The following BRD9 variants were observed in gnomAD, a reference collection of about 807,000 sequenced individuals.
The protein encoded by BRD9 is bromodomain containing 9.
In BRD9, 47 loss-of-function variants were observed where a neutral mutation model predicts 68.7. That is an observed-to-expected ratio of 0.68 (90% CI 0.54 to 0.87). The LOEUF (loss-of-function observed/expected upper bound fraction) is 0.87. BRD9 is among the 40% of genes least tolerant of loss of function. The probability of loss-of-function intolerance (pLI) is 0.00; values close to 1 mark genes in which losing one functional copy is unlikely to be tolerated. For missense variants in BRD9, 670 were observed against 748.4 expected (o/e 0.90, Z 1.22); for synonymous variants, 313 against 293.9 (o/e 1.06, Z -0.67).
intron 6 of BRD9, 148 bp from the exon 7 acceptor site, chr5:886,855 C>T (rs1752647169): frequency 2.2e-6 from 3 of 1,387,844 alleles, no homozygotes; most frequent in African/African-American, 1.4e-5. Context: ...GGGATGGTCA[C>T]AGCCTCACCT....
intron 1 of BRD9, 106 bp from the exon 2 acceptor site, chr5:891,960 A>G (rs1753487670): frequency 3.4e-6 from 5 of 1,464,724 alleles, no homozygotes; most frequent in Non-Finnish European, 4.5e-6. Context: ...TAAGGAGTAC[A>G]GCGGGGCTGC....
At chr5:865,358 G>A (rs1031716425) in intron 15 of BRD9, 56 bp downstream of exon 15, 30 of 1,506,778 alleles carry the variant, frequency 2.0e-5, no homozygotes, top group South Asian at 1.6e-4. Context: ...TCGTCTAGAC[G>A]TCACACTGAC....
In BRD9 at chr5:891,793, T is replaced by C. The variant is rs1326157182; in HGVS notation, c.114A>G (p.Glu38=). 6 of 1,551,664 alleles carry C rather than the reference T, an allele frequency of 3.9e-6. No individual in the cohort carries two copies. Among genetic ancestry groups the C allele is most frequent in the Non-Finnish European group, 5.2e-6 (6 of 1,146,990 alleles). ...GGCCGGATCCTGAGAGTTCAGTCAC[T>C]TCACTTCCTCCGACCTTCAGGACTA... ...LKLVLKVGGS[E]VTELSGSGHD... is the part of the protein sequence containing the mutation. Residue 38 remains glutamate (E), a synonymous_variant, in exon 2 of 16, where the codon GAA becomes GAG. Coordinates refer to ENST00000467963, the MANE Select transcript of BRD9 (RefSeq NM_023924.5).
chr5:889,514 G>T, intron 4 of BRD9, 73 bp downstream of exon 4: 2 of 1,512,808 alleles, frequency 1.3e-6, no homozygotes, highest in Non-Finnish European at 1.8e-6. Flanking sequence ...AGGCTGGCGT[G>T]GGGAATAAGG....
chr5:868,022 G>A (rs926032470), intron 14 of BRD9, among the ~76,000 whole-genome samples: 1 of 152,184 alleles, frequency 6.6e-6, no homozygotes. Context: ...GTTAGGGGAG[G>A]GTCCTGGTGG....
chr5:881,233 C>T, intron 8 of BRD9, 51 bp from the exon 9 acceptor site: 4 of 1,564,580 alleles, frequency 2.6e-6, no homozygotes, highest in East Asian at 2.3e-5. Context: ...GGCAGCGCAG[C>T]ACAAATGAAA....
At chr5:873,072 G>A (rs895581256) in intron 12 of BRD9, among the ~76,000 whole-genome samples, 1 of 152,178 alleles carries the variant, frequency 6.6e-6, no homozygotes, top group African/African-American at 2.4e-5. Context: ...GGCTGAGGCA[G>A]GAGAATCGCT....
At position 885,850 on chromosome 5, in the gene BRD9, T is replaced by C. The variant is rs543118689; in HGVS notation, c.833+742A>G. On this transcript the variant is annotated intron_variant, in intron 7 of 15. Coordinates refer to ENST00000467963, the MANE Select transcript of BRD9 (RefSeq NM_023924.5). ...GATACTCTCGCTTTGTTTGGTCCTATCAGGCAGCCACCTCACATAGGTGGA... is the reference window on the plus strand; with the variant it reads ...GATACTCTCGCTTTGTTTGGTCCTACCAGGCAGCCACCTCACATAGGTGGA... Among the ~76,000 whole-genome samples, 35 of 152,356 alleles carry C rather than the reference T, an allele frequency of 2.3e-4. No homozygotes were observed. In the South Asian group the frequency reaches 6.8e-3, roughly 30 times the overall value.
rs1749208837 is a variant in BRD9 at position 865,286 on chromosome 5, A to G, written c.1693+128T>C. 9 of 1,298,828 alleles carry G rather than the reference A, an allele frequency of 6.9e-6. No homozygotes were observed. In the East Asian group the frequency reaches 1.7e-4, roughly 25 times the overall value. 80.5% of individuals were successfully genotyped at this position (1,298,828 alleles called of 1,614,324 possible). ...AGGACATCTGTGGAAACCGACCTCC[A>G]CAACAGCACCGCTGCCCATGCAGCC... On this transcript the variant is annotated intron_variant, in intron 15 of 15. Coordinates refer to ENST00000467963, the MANE Select transcript of BRD9 (RefSeq NM_023924.5).
chr5:892,766 C>T lies in BRD9; in HGVS notation c.-109G>A, dbSNP rs1008587822. ...TGGCTGGCCGCCCGCGCTCGCTGCG[C>T]CGAGGTTGCCGAGCTCGCTGGGCCG... On this transcript the variant is annotated 5_prime_UTR_variant, in exon 1 of 16. Transcript: ENST00000467963. 1 of 1,122,586 alleles carries T rather than the reference C, an allele frequency of 8.9e-7. No individual in the cohort carries two copies. Among genetic ancestry groups the T allele is most frequent in the Non-Finnish European group, 1.1e-6 (1 of 891,328 alleles). 69.5% of individuals were successfully genotyped at this position (1,122,586 alleles called of 1,614,324 possible). A position where few individuals can be genotyped will look rare whatever the true frequency, so the allele number is the denominator to read the frequency against.
intron 12 of BRD9, among the ~76,000 whole-genome samples, chr5:874,093 G>A (rs1490017676): frequency 6.6e-6 from 1 of 152,178 alleles, no homozygotes; most frequent in Admixed American, 6.5e-5. Flanking sequence ...GCGAGCACAC[G>A]CCTCGTTCTA....
At chr5:886,000 G>T (rs991977508) in intron 7 of BRD9, among the ~76,000 whole-genome samples, 15 of 152,218 alleles carry the variant, frequency 9.9e-5, no homozygotes, top group African/African-American at 3.1e-4. Flanking sequence ...AAGGTTCCCT[G>T]AAGGACCAGC....
chr5:863,743 C>T lies in BRD9; in HGVS notation c.*725G>A, dbSNP rs971676685. 4 of 152,222 alleles carry T rather than the reference C, an allele frequency of 2.6e-5. No individual in the cohort carries two copies. The highest frequency in any genetic ancestry group is 9.7e-5 in the African/African-American group (4 of 41,436). 9.4% of individuals were successfully genotyped at this position (152,222 alleles called of 1,614,324 possible). On this transcript the variant is annotated 3_prime_UTR_variant, in exon 16 of 16. Transcript: ENST00000467963. ...CATAAATGGGCACTCAGTAAACACC[C>T]AGTTAGAAAACGTTTTATGGACACG...
chr5:889,311 G>T, intron 4 of BRD9, 146 bp from the exon 5 acceptor site: 1 of 985,226 alleles, frequency 1.0e-6, no homozygotes, highest in Non-Finnish European at 1.5e-6. Context: ...TATTGTGATA[G>T]GTATTTCAGA....
At chr5:864,652 C>G in intron 15 of BRD9, 84 bp from the exon 16 acceptor site, 1 of 1,241,914 alleles carries the variant, frequency 8.1e-7, no homozygotes, top group South Asian at 1.3e-5. Flanking sequence ...GGTCTGCTTC[C>G]TGACCTACCG....
chr5:875,864 T>A (rs1441841697), intron 12 of BRD9, among the ~76,000 whole-genome samples: 1 of 152,108 alleles, frequency 6.6e-6, no homozygotes, highest in Admixed American at 6.5e-5. Context: ...GTGACAGAGA[T>A]GAAAGATGAA....
At chr5:877,118 G>C (rs1165681222) in intron 11 of BRD9, among the ~76,000 whole-genome samples, 1 of 152,240 alleles carries the variant, frequency 6.6e-6, no homozygotes, top group African/African-American at 2.4e-5. Flanking sequence ...AGCTGGGGAA[G>C]GCGGGGGGTG....
At chr5:870,059 C>T (rs922044203) in intron 14 of BRD9, among the ~76,000 whole-genome samples, 9 of 152,210 alleles carry the variant, frequency 5.9e-5, no homozygotes, top group Admixed American at 6.5e-5. Context: ...TACGGATGGG[C>T]CCCAGGTGGG....
chr5:883,490 C>A (rs1752101808), intron 8 of BRD9: 1 of 454,176 alleles, frequency 2.2e-6, no homozygotes, highest in Non-Finnish European at 4.4e-6. Flanking sequence ...GTGGGCCCCA[C>A]CACCACAAAG....
Sources: allele counts gnomAD v4.1 joint callset (sites outside exome capture counted in the v4.1 genomes callset), GRCh38; gene constraint gnomAD v4.1.1; transcripts MANE v1.5; gene names NCBI Gene and HGNC (gene_info 2026-07-23, HGNC 2026-07-21).